ASB3: variants seen among roughly 807,000 people sequenced by gnomAD.
ASB3 encodes the protein ankyrin repeat and SOCS box containing 3.
In ASB3, 41 loss-of-function variants were observed where a neutral mutation model predicts 54.5. That is an observed-to-expected ratio of 0.75 (90% confidence interval 0.59 to 0.98). The LOEUF (loss-of-function observed/expected upper bound fraction) is 0.98, where lower values mean the gene tolerates loss of function less well. Ranked by LOEUF, ASB3 falls within the 50% of genes least tolerant of loss-of-function variation. The probability of loss-of-function intolerance (pLI) is 0.00; values close to 1 mark genes in which losing one functional copy is unlikely to be tolerated. For missense variants in ASB3, 733 were observed against 620.0 expected (o/e 1.18, Z -1.94); for synonymous variants, 266 against 221.2 (o/e 1.20, Z -1.80).
intron 2 of ASB3, among the ~76,000 whole-genome samples, chr2:53,753,477 T>C (rs558487760): frequency 6.6e-6 from 1 of 152,268 alleles, no homozygotes; most frequent in South Asian, 2.1e-4. Flanking sequence ...CATGTTTAGC[T>C]TAATATAGAT....
rs1392927247 is a variant in ASB3 at position 53,670,657 on chromosome 2, A to G, written c.1403T>C (p.Leu468Ser). 1 of 1,614,080 alleles carries G rather than the reference A, an allele frequency of 6.2e-7. No individual in the cohort carries two copies. The highest frequency in any genetic ancestry group is 8.5e-7 in the Non-Finnish European group (1 of 1,179,984). The stretch of plus-strand genomic sequence containing the variant: ...TGATTTTAGACTGGACCGAATTTCC[A>G]AACGACAAAGATGGGTCAGGGATGG... Reference protein sequence around the residue: ...TVPSLTHLCRLEIRSSLKSER... With the variant: ...TVPSLTHLCRSEIRSSLKSER... The change falls in exon 10 of 10, where the codon TTG becomes TCG. Residue 468 changes from leucine to serine, a missense_variant. Coordinates refer to ENST00000263634, the MANE Select transcript of ASB3 (RefSeq NM_016115.5).
chr2:53,727,806 A>T (rs569852929), intron 5 of ASB3, among the ~76,000 whole-genome samples: 12 of 151,854 alleles, frequency 7.9e-5, no homozygotes, highest in African/African-American at 2.9e-4. Context: ...GCTCACTGCA[A>T]CCTCTGCCTC....
chr2:53,765,908 T>C, intron 1 of ASB3, among the ~76,000 whole-genome samples: 1 of 103,306 alleles, frequency 9.7e-6, no homozygotes, highest in East Asian at 1.9e-4. Flanking sequence ...CATTCTTTGG[T>C]GCTCCATTGA....
At chr2:53,765,621 A>G in intron 1 of ASB3, 36 bp from the exon 2 acceptor site, 2 of 1,612,062 alleles carry the variant, frequency 1.2e-6, no homozygotes, top group Non-Finnish European at 1.7e-6. Flanking sequence ...ACTATAGTCA[A>G]TAAAACAACA....
intron 9 of ASB3, among the ~76,000 whole-genome samples, chr2:53,686,276 C>A (rs1350361965): frequency 6.6e-6 from 1 of 152,116 alleles, no homozygotes; most frequent in East Asian, 1.9e-4. Flanking sequence ...TTCAGGCCAA[C>A]CATGAAAGAC....
chr2:53,699,931 A>G (rs1479457289), intron 8 of ASB3, among the ~76,000 whole-genome samples: 1 of 152,210 alleles, frequency 6.6e-6, no homozygotes, highest in Non-Finnish European at 1.5e-5. Context: ...AGGGATAGAC[A>G]ACAGAAATCT....
Position 53,750,903 on chromosome 2 carries a change from C to A in ASB3, c.235G>T (p.Gly79Cys). ...ENYIKMKTFE[G>C]FCALHLAASQ... is the part of the protein sequence containing the mutation. ...GCAGCGAGATGCAAAGCACAGAAAC[C>A]TTCAAAGGTCTTCATCTTAATGTAG... The change falls in exon 3 of 10, where the codon GGT becomes TGT. Residue 79 changes from glycine to cysteine, a missense_variant. Coordinates refer to ENST00000263634, the MANE Select transcript of ASB3 (RefSeq NM_016115.5). The A allele has an allele frequency of 6.3e-7, 1 of 1,593,210 alleles. No homozygotes were observed. The highest frequency in any genetic ancestry group is 1.3e-5 in the African/African-American group (1 of 74,338).
chr2:53,773,436 ATTTT>A (rs920163371), intron 1 of ASB3, among the ~76,000 whole-genome samples: 2 of 151,650 alleles, frequency 1.3e-5, no homozygotes, highest in African/African-American at 4.9e-5. Context: ...ACTTTTATTT[ATTTT>A]TTATTTTTTT....
rs138349062 is a variant in ASB3 at position 53,694,001 on chromosome 2, T to C, written c.1252A>G (p.Ser418Gly). The change falls in exon 9 of 10, where the codon AGC (serine) becomes GGC (glycine). Residue 418 changes from serine (S) to glycine (G), a missense_variant. Ser to Gly is a moderately conservative substitution (Grantham distance 56). Coordinates refer to ENST00000263634, the MANE Select transcript of ASB3 (RefSeq NM_016115.5). ...LLCNSWIDSV[S>G]IDTLIFTLEF... ...AAAGTGAAGATAAGGGTGTCAATGCTGACTGAGTCAATCCTATGTTAGCAA... is the reference window on the plus strand; with the variant it reads ...AAAGTGAAGATAAGGGTGTCAATGCCGACTGAGTCAATCCTATGTTAGCAA... 246 of 1,613,300 alleles carry C rather than the reference T, an allele frequency of 1.5e-4. 3 individuals carry two copies. The East Asian group carries it at 5.2e-3, about 34-fold the overall frequency.
Position 53,717,204 on chromosome 2 carries a change from G to T in ASB3, c.605-461C>A, listed in dbSNP as rs140080004. On this transcript the variant is annotated intron_variant, in intron 5 of 9. Transcript: ENST00000263634. Reference sequence around the variant, plus strand: ...CAACAAGCATTCTGGGGCCCAATAAGTAAACATTTAAAAAGAAAAATGCAA... The same window carrying T: ...CAACAAGCATTCTGGGGCCCAATAATTAAACATTTAAAAAGAAAAATGCAA... Among the ~76,000 whole-genome samples the T allele has an allele frequency of 7.2e-5, 11 of 152,176 alleles. 1 individual carries two copies. Among genetic ancestry groups the T allele is most frequent in the African/African-American group, 2.4e-4 (10 of 41,518 alleles).
At chr2:53,681,449 T>G (rs1051767380) in intron 9 of ASB3, among the ~76,000 whole-genome samples, 3 of 152,200 alleles carry the variant, frequency 2.0e-5, no homozygotes, top group Non-Finnish European at 4.4e-5. Context: ...CTTTGCCCAG[T>G]TCAATGTACT....
At chr2:53,700,680 A>G in intron 7 of ASB3, 152 bp from the exon 8 acceptor site, 1 of 1,197,066 alleles carries the variant, frequency 8.4e-7, no homozygotes, top group South Asian at 1.7e-5. Context: ...TTGAGATTAG[A>G]GAATGTGGTG....
chr2:53,785,901 A>T (rs963619790), intron 1 of ASB3, among the ~76,000 whole-genome samples: 3 of 152,258 alleles, frequency 2.0e-5, no homozygotes, highest in African/African-American at 7.2e-5. Context: ...ATTAATAAGA[A>T]GTGCTGAATA....
chr2:53,769,666 G>C (rs1673753964), intron 1 of ASB3, among the ~76,000 whole-genome samples: 1 of 152,188 alleles, frequency 6.6e-6, no homozygotes, highest in Admixed American at 6.5e-5. Context: ...GACCAACATG[G>C]AGAAACCCCC....
chr2:53,706,507 G>A (rs370567350), intron 7 of ASB3, among the ~76,000 whole-genome samples: 3 of 151,644 alleles, frequency 2.0e-5, no homozygotes, highest in Admixed American at 6.6e-5. Flanking sequence ...GTGCAGTGGC[G>A]TGATCTTGGC....
chr2:53,749,265 C>A (rs1672392878), intron 3 of ASB3, among the ~76,000 whole-genome samples: 3 of 151,980 alleles, frequency 2.0e-5, no homozygotes. Context: ...TACTAAACCT[C>A]CATTAGAATT....
chr2:53,672,702 T>C (rs1337809542), intron 9 of ASB3, among the ~76,000 whole-genome samples: 1 of 152,194 alleles, frequency 6.6e-6, no homozygotes, highest in Admixed American at 6.5e-5. Context: ...TATTTTTTAC[T>C]CACCACTATA....
intron 8 of ASB3, 65 bp from the exon 9 acceptor site, chr2:53,694,079 A>C: frequency 6.3e-7 from 1 of 1,575,206 alleles, no homozygotes; most frequent in South Asian, 1.1e-5. Context: ...TACTTGAAAC[A>C]AACACCACAT....
At chr2:53,726,323 C>T (rs1056169649) in intron 5 of ASB3, among the ~76,000 whole-genome samples, 1 of 149,156 alleles carries the variant, frequency 6.7e-6, no homozygotes, top group South Asian at 2.1e-4. Flanking sequence ...TGCAGAGGCG[C>T]GATCTAGGCT....
Sources: gnomAD v4.1 joint callset for allele counts (sites outside exome capture counted in the v4.1 genomes callset) on GRCh38, gnomAD v4.1.1 for gene constraint, MANE v1.5 for transcripts, NCBI Gene and HGNC (gene_info 2026-07-23, HGNC 2026-07-21) for gene names.